The following CFAP47 variants were observed in gnomAD, a reference collection of about 807,000 sequenced individuals.
CFAP47 encodes cilia- and flagella-associated protein 47.
Under a neutral mutation model 148.1 loss-of-function variants are expected in CFAP47, and 29 were observed. The ratio of observed to expected loss-of-function variants is 0.20; its 90% CI spans 0.15 to 0.27. The LOEUF is 0.27. Among genes scored for constraint, CFAP47 ranks in the 10% least tolerant of loss-of-function variants. CFAP47 has a pLI of 1.00. For missense variants in CFAP47, 1,872 were observed against 1,697.5 expected (o/e 1.10, Z -1.81); for synonymous variants, 664 against 577.3 (o/e 1.15, Z -2.15).
At chrX:36,278,891 G>A (rs1038592073) in intron 49 of CFAP47, among the ~76,000 whole-genome samples, 2 of 111,547 alleles carry the variant, frequency 1.8e-5, no homozygotes, top group Admixed American at 9.5e-5. Context: ...TGTGACTAAT[G>A]GCTGTCATAT....
chrX:35,924,032 CACAT>C (rs1935646027), intron 1 of CFAP47, among the ~76,000 whole-genome samples: 2 of 95,454 alleles, frequency 2.1e-5, no homozygotes, highest in Admixed American at 1.1e-4. Flanking sequence ...CATATATATG[CACAT>C]ATATGTGTAT....
intron 33 of CFAP47, among the ~76,000 whole-genome samples, chrX:36,123,536 G>A (rs767056088): frequency 2.7e-5 from 3 of 111,338 alleles, no homozygotes; most frequent in African/African-American, 9.8e-5. Context: ...TCCCCTCTCC[G>A]AAGGCAGAGG....
At chrX:36,247,088 A>T (rs1160909883) in intron 48 of CFAP47, among the ~76,000 whole-genome samples, 2 of 111,713 alleles carry the variant, frequency 1.8e-5, no homozygotes, top group East Asian at 5.6e-4. Context: ...GGAATACTAT[A>T]CATTCATAAA....
At chrX:35,993,136 T>C in intron 17 of CFAP47, 54 bp from the exon 18 acceptor site, 1 of 284,966 alleles carries the variant, frequency 3.5e-6, no homozygotes, top group Non-Finnish European at 6.2e-6. Flanking sequence ...ATGAAAGCTT[T>C]GAAACTATAA....
chrX:36,070,168 T>C (rs941721311), intron 27 of CFAP47, among the ~76,000 whole-genome samples: 3 of 112,122 alleles, frequency 2.7e-5, no homozygotes, highest in African/African-American at 9.7e-5. Context: ...ACTTAGCATA[T>C]AATAGCTCAT....
chrX:36,154,391 G>T (rs944137512), intron 37 of CFAP47, among the ~76,000 whole-genome samples: 10 of 111,998 alleles, frequency 8.9e-5, no homozygotes, highest in African/African-American at 2.9e-4. Flanking sequence ...TTCTTCCTCT[G>T]TTGTCTAGTA....
intron 26 of CFAP47, among the ~76,000 whole-genome samples, chrX:36,061,700 C>A (rs751781828): frequency 3.6e-5 from 4 of 111,980 alleles, no homozygotes; most frequent in Non-Finnish European, 7.5e-5. Flanking sequence ...AATGGTTGCT[C>A]AAGGAAGTTT....
intron 59 of CFAP47, among the ~76,000 whole-genome samples, chrX:36,353,085 A>AT (rs1556017783): frequency 9.0e-6 from 1 of 110,617 alleles, no homozygotes; most frequent in African/African-American, 3.3e-5. Flanking sequence ...TACAGAACTT[A>AT]TTTTTTTAAA....
chrX:36,137,458 C>G (rs1939063488), intron 33 of CFAP47, among the ~76,000 whole-genome samples: 1 of 110,756 alleles, frequency 9.0e-6, no homozygotes, highest in Non-Finnish European at 1.9e-5. Flanking sequence ...TCCTGTATTG[C>G]CTTTTATAGG....
intron 62 of CFAP47, among the ~76,000 whole-genome samples, chrX:36,367,765 C>G (rs1424512405): frequency 1.8e-5 from 2 of 111,578 alleles, no homozygotes; most frequent in Non-Finnish European, 3.8e-5. Context: ...CTCCCATACT[C>G]ATTACCAGTC....
At chrX:35,929,396 C>A (rs1935792017) in intron 2 of CFAP47, among the ~76,000 whole-genome samples, 2 of 111,971 alleles carry the variant, frequency 1.8e-5, no homozygotes, top group South Asian at 7.4e-4. Context: ...ATAACTATTT[C>A]ATTTTCTTTG....
chrX:36,032,307 GA>G (rs974674041), intron 23 of CFAP47, among the ~76,000 whole-genome samples: 6 of 103,756 alleles, frequency 5.8e-5, no homozygotes, highest in Admixed American at 1.0e-4. Flanking sequence ...GCCCCATGGA[GA>G]AAAAAAAAAC....
At chrX:36,208,252 A>G (rs782497192) in intron 45 of CFAP47, among the ~76,000 whole-genome samples, 1 of 111,812 alleles carries the variant, frequency 8.9e-6, no homozygotes, top group Non-Finnish European at 1.9e-5. Flanking sequence ...TAAATCATCC[A>G]TGACAACTTT....
intron 35 of CFAP47, among the ~76,000 whole-genome samples, chrX:36,140,898 A>C (rs67789587): frequency 0.11 from 11,647 of 110,633 alleles, 1,219 homozygotes; most frequent in African/African-American, 0.32. Context: ...CAAAAATACT[A>C]TGGAATTGTT....
intron 18 of CFAP47, among the ~76,000 whole-genome samples, chrX:35,995,642 C>T (rs1936838187): frequency 9.0e-6 from 1 of 110,996 alleles, no homozygotes; most frequent in South Asian, 3.8e-4. Context: ...TAGAGGAAAA[C>T]GTTTGCTTGA....
chrX:36,383,686 A>G (rs1223805780), intron 63 of CFAP47, among the ~76,000 whole-genome samples: 1 of 111,414 alleles, frequency 9.0e-6, no homozygotes, highest in Non-Finnish European at 1.9e-5. Context: ...TTAAGAATGT[A>G]TTGTTGTGCA....
intron 2 of CFAP47, among the ~76,000 whole-genome samples, chrX:35,933,003 C>T (rs1272643266): frequency 9.0e-6 from 1 of 111,530 alleles, no homozygotes; most frequent in Non-Finnish European, 1.9e-5. Flanking sequence ...CATGCAATGA[C>T]TAATAATCAC....
intron 15 of CFAP47, among the ~76,000 whole-genome samples, chrX:35,980,967 A>G (rs1936635530): frequency 9.0e-6 from 1 of 110,650 alleles, no homozygotes. Flanking sequence ...ACATATATTT[A>G]TATATATAAA....
intron 30 of CFAP47, among the ~76,000 whole-genome samples, chrX:36,087,249 TA>T (rs912875652): frequency 8.9e-6 from 1 of 111,996 alleles, no homozygotes; most frequent in African/African-American, 3.2e-5. Flanking sequence ...ATCATGAAAG[TA>T]AAAAAACCTG....
Sources: allele counts gnomAD v4.1 joint callset (sites outside exome capture counted in the v4.1 genomes callset), GRCh38; gene constraint gnomAD v4.1.1; transcripts MANE v1.5; gene names NCBI Gene and HGNC (gene_info 2026-07-23, HGNC 2026-07-21).